Variants in CTNNA3 observed in about 807,000 individuals in gnomAD.
The protein encoded by CTNNA3 is catenin alpha-3.
CTNNA3 carries 76 observed loss-of-function variants against 95.7 expected under a neutral mutation model. The observed-to-expected ratio is 0.79, with a 90% CI of 0.66 to 0.96. The LOEUF (loss-of-function observed/expected upper bound fraction) is 0.96, where lower values mean the gene tolerates loss of function less well. Among genes scored for constraint, CTNNA3 ranks in the 40% least tolerant of loss-of-function variants. CTNNA3 has a pLI of 0.00. For missense variants in CTNNA3, 1,191 were observed against 1,089.8 expected (o/e 1.09, Z -1.31); for synonymous variants, 431 against 374.4 (o/e 1.15, Z -1.74).
chr10:67,114,411 C>T (rs996926072), intron 7 of CTNNA3, among the ~76,000 whole-genome samples: 1 of 151,976 alleles, frequency 6.6e-6, no homozygotes, highest in African/African-American at 2.4e-5. Flanking sequence ...ATTTACAAAT[C>T]TAAGCAATAT....
chr10:67,323,107 T>C (rs1841391644), intron 5 of CTNNA3, among the ~76,000 whole-genome samples: 1 of 152,144 alleles, frequency 6.6e-6, no homozygotes, highest in African/African-American at 2.4e-5. Flanking sequence ...CTTATAAATG[T>C]TGGATGTTAG....
At chr10:66,468,464 T>C (rs1839008162) in intron 11 of CTNNA3, among the ~76,000 whole-genome samples, 1 of 151,870 alleles carries the variant, frequency 6.6e-6, no homozygotes. Flanking sequence ...AAGGGAGTCA[T>C]GGGTGGGGGA....
At chr10:66,065,240 G>T (rs10996873) in intron 15 of CTNNA3, among the ~76,000 whole-genome samples, 24,996 of 98,422 alleles carry the variant, frequency 0.25, 2,266 homozygotes, top group South Asian at 0.42. Context: ...GTTTTTTTTT[G>T]TTTTGTTTTG....
At chr10:67,280,017 T>C (rs1354070941) in intron 5 of CTNNA3, among the ~76,000 whole-genome samples, 2 of 149,420 alleles carry the variant, frequency 1.3e-5, no homozygotes, top group Middle Eastern at 3.2e-3. Flanking sequence ...TAATAGGCCT[T>C]ACCATAGAAA....
In CTNNA3 at chr10:66,127,905, T is replaced by A. The variant is rs931597718; in HGVS notation, c.1885-24656A>T. ...GCCTGGCCAACATGGTGAAACCCCA[T>A]CTCTAATAAAAATACAATTAGCTGG... On this transcript the variant is annotated intron_variant, in intron 13 of 17. Coordinates refer to ENST00000433211, the MANE Select transcript of CTNNA3 (RefSeq NM_013266.4). Among the ~76,000 whole-genome samples, 3 of 152,000 alleles carry A rather than the reference T, an allele frequency of 2.0e-5. No homozygotes were observed. In the East Asian group the frequency reaches 5.8e-4, roughly 29 times the overall value.
intron 1 of CTNNA3, among the ~76,000 whole-genome samples, chr10:67,695,367 C>G (rs569613384): frequency 6.6e-6 from 1 of 152,276 alleles, no homozygotes; most frequent in African/African-American, 2.4e-5. Flanking sequence ...CACAATCATT[C>G]AGATCCCATT....
intron 13 of CTNNA3, among the ~76,000 whole-genome samples, chr10:66,239,040 T>A (rs999563832): frequency 4.6e-5 from 7 of 151,872 alleles, no homozygotes; most frequent in African/African-American, 1.4e-4. Context: ...TATGACAGCA[T>A]CTATCAGAAG....
intron 5 of CTNNA3, among the ~76,000 whole-genome samples, chr10:67,468,627 G>GT (rs1564671151): frequency 6.6e-6 from 1 of 152,100 alleles, no homozygotes; most frequent in African/African-American, 2.4e-5. Flanking sequence ...ACATGTGAAC[G>GT]TAAGTGATAT....
chr10:66,436,256 T>C (rs887759847), intron 11 of CTNNA3, among the ~76,000 whole-genome samples: 1 of 152,172 alleles, frequency 6.6e-6, no homozygotes, highest in African/African-American at 2.4e-5. Context: ...CGTTTATCTG[T>C]CTAATATGAC....
intron 5 of CTNNA3, among the ~76,000 whole-genome samples, chr10:67,239,311 C>T (rs941930898): frequency 2.6e-5 from 4 of 150,986 alleles, no homozygotes; most frequent in African/African-American, 4.9e-5. Flanking sequence ...GTAATAGTCC[C>T]GACCTGGACA....
Position 66,841,253 on chromosome 10 carries a change from G to GT in CTNNA3, c.1048-65730dup, listed in dbSNP as rs1482417000. On this transcript the variant is annotated intron_variant, in intron 7 of 17. Transcript: ENST00000433211. ...TTTACTTACAAACGGTGTAACTGCA[G>GT]TATATGTAGGGTTGATACTGTTTAA... Among the ~76,000 whole-genome samples the GT allele has an allele frequency of 2.4e-4, 36 of 151,942 alleles. 1 individual carries two copies. Among genetic ancestry groups the GT allele is most frequent in the Admixed American group, 2.2e-3 (34 of 15,282 alleles).
chr10:67,633,998 T>C (rs1422636156), intron 2 of CTNNA3, among the ~76,000 whole-genome samples: 1 of 152,084 alleles, frequency 6.6e-6, no homozygotes. Flanking sequence ...AGATGCTCCA[T>C]GAGAAGATCA....
intron 1 of CTNNA3, among the ~76,000 whole-genome samples, chr10:67,649,874 T>A (rs1169373276): frequency 6.6e-6 from 1 of 152,230 alleles, no homozygotes; most frequent in Non-Finnish European, 1.5e-5. Context: ...AGTTTTGCTC[T>A]TGTTGCCCAG....
At chr10:66,303,430 C>T (rs984596229) in intron 12 of CTNNA3, among the ~76,000 whole-genome samples, 25 of 152,134 alleles carry the variant, frequency 1.6e-4, no homozygotes, top group African/African-American at 5.8e-4. Context: ...GAACAAAAGA[C>T]AAATTTTTAC....
At chr10:66,261,857 T>C (rs1433890473) in intron 13 of CTNNA3, among the ~76,000 whole-genome samples, 1 of 151,944 alleles carries the variant, frequency 6.6e-6, no homozygotes, top group African/African-American at 2.4e-5. Flanking sequence ...CCCCATCCTA[T>C]GACTTCCCCC....
intron 15 of CTNNA3, among the ~76,000 whole-genome samples, chr10:66,059,521 C>T (rs938675063): frequency 2.6e-5 from 4 of 152,024 alleles, no homozygotes; most frequent in African/African-American, 9.7e-5. Context: ...ATTTCTGCAC[C>T]AGCTCGTCTG....
At chr10:67,515,502 C>T (rs1839783128) in intron 5 of CTNNA3, among the ~76,000 whole-genome samples, 1 of 152,156 alleles carries the variant, frequency 6.6e-6, no homozygotes. Context: ...TTGAACTTAG[C>T]ACACTGTTTA....
intron 9 of CTNNA3, among the ~76,000 whole-genome samples, chr10:66,685,319 A>ATGTG (rs1413994687): frequency 1.0e-4 from 2 of 19,340 alleles, no homozygotes; most frequent in African/African-American, 6.5e-4. Context: ...GTGTGTGTGT[A>ATGTG]TGTGTGTATA....
intron 13 of CTNNA3, among the ~76,000 whole-genome samples, chr10:66,125,465 G>A (rs933570915): frequency 3.3e-5 from 5 of 151,936 alleles, no homozygotes; most frequent in Non-Finnish European, 5.9e-5. Context: ...AAAAGTATAA[G>A]TTATATGCTG....
Sources: gnomAD v4.1 joint callset for allele counts (sites outside exome capture counted in the v4.1 genomes callset) on GRCh38, gnomAD v4.1.1 for gene constraint, MANE v1.5 for transcripts, NCBI Gene and HGNC (gene_info 2026-07-23, HGNC 2026-07-21) for gene names.